The following RLF variants were observed in gnomAD, a reference collection of about 807,000 sequenced individuals.
The protein encoded by RLF is RLF zinc finger.
A neutral mutation model predicts 162.9 loss-of-function variants in RLF; 7 were observed. The ratio of observed to expected loss-of-function variants is 0.04; its 90% CI spans 0.02 to 0.08. RLF has a LOEUF of 0.08. RLF is among the 10% of genes least tolerant of loss of function. The pLI is 1.00. For synonymous variants in RLF, 782 were observed against 791.5 expected, an observed-to-expected ratio of 0.99 and a Z score of 0.20; for missense variants, 1,664 against 2,244.7, an observed-to-expected ratio of 0.74 and a Z score of 5.23.
At chr1:40,232,322 A>G (rs1295420528) in intron 7 of RLF, among the ~76,000 whole-genome samples, 1 of 152,214 alleles carries the variant, frequency 6.6e-6, no homozygotes, top group Admixed American at 6.5e-5. Flanking sequence ...AATCTTTAAT[A>G]AAGGTACTAA....
chr1:40,234,154 T>A (rs1643188101), intron 7 of RLF, among the ~76,000 whole-genome samples: 1 of 152,194 alleles, frequency 6.6e-6, no homozygotes, highest in Non-Finnish European at 1.5e-5. Context: ...TTTGCCATGT[T>A]GGCCCTGCTG....
chr1:40,180,082 C>G (rs1012925340), intron 1 of RLF, among the ~76,000 whole-genome samples: 1 of 152,142 alleles, frequency 6.6e-6, no homozygotes, highest in Non-Finnish European at 1.5e-5. Context: ...TCTGCTGTCA[C>G]TTCTTTGGGA....
intron 5 of RLF, among the ~76,000 whole-genome samples, chr1:40,207,891 G>A (rs768006328): frequency 3.3e-5 from 5 of 152,190 alleles, no homozygotes; most frequent in Non-Finnish European, 7.3e-5. Context: ...GATTATAGGC[G>A]TAAGCCACCA....
At chr1:40,190,209 T>TCAAA (rs945033868) in intron 2 of RLF, among the ~76,000 whole-genome samples, 1 of 152,226 alleles carries the variant, frequency 6.6e-6, no homozygotes, top group African/African-American at 2.4e-5. Context: ...ATTATTCAAG[T>TCAAA]TGTAGTGCAT....
Position 40,162,423 on chromosome 1 carries a change from A to G in RLF, c.237+787A>G, listed in dbSNP as rs374227485. On this transcript the variant is annotated intron_variant, in intron 1 of 7. Transcript: ENST00000372771. ...CATGACCACTCCGAGATTTTTCTGT[A>G]TGTTTTCAAGTCTTTTACAAATACA... Among the ~76,000 whole-genome samples the G allele has an allele frequency of 8.5e-5, 13 of 152,144 alleles. 1 individual carries two copies. Among genetic ancestry groups the G allele is most frequent in the East Asian group, 3.9e-4 (2 of 5,176 alleles).
intron 4 of RLF, among the ~76,000 whole-genome samples, chr1:40,199,563 C>T (rs1642682419): frequency 1.3e-5 from 2 of 152,162 alleles, no homozygotes; most frequent in East Asian, 3.8e-4. Flanking sequence ...ATCAGTGATT[C>T]TAAAACCTGA....
At chr1:40,219,027 C>T (rs1642960215) in intron 5 of RLF, among the ~76,000 whole-genome samples, 1 of 152,130 alleles carries the variant, frequency 6.6e-6, no homozygotes, top group Non-Finnish European at 1.5e-5. Context: ...CATTAAAACT[C>T]TCAAAAGTTT....
At chr1:40,232,425 TGTGG>T (rs2124560112) in intron 7 of RLF, among the ~76,000 whole-genome samples, 1 of 152,280 alleles carries the variant, frequency 6.6e-6, no homozygotes, top group East Asian at 1.9e-4. Flanking sequence ...TCCAGCACAA[TGTGG>T]CAGGATTCTC....
chr1:40,237,666 A>G lies in RLF; in HGVS notation c.2964A>G (p.Ile988Met). 6.2e-7 allele frequency: 1 copy of G among 1,614,176 alleles called. No homozygotes were observed. Among genetic ancestry groups the G allele is most frequent in the Non-Finnish European group, 8.5e-7 (1 of 1,180,012 alleles). ...CATACCATTTCAAGCCCAAAAAGATAAAGACGAAAGATCTGTTTCCCTCTT... is the reference window on the plus strand; with the variant it reads ...CATACCATTTCAAGCCCAAAAAGATGAAGACGAAAGATCTGTTTCCCTCTT... Reference protein sequence around the residue: ...VHPYHFKPKKIKTKDLFPSLG... With the variant: ...VHPYHFKPKKMKTKDLFPSLG... The change falls in exon 8 of 8, where the codon ATA (isoleucine) becomes ATG (methionine). Residue 988 changes from isoleucine (I) to methionine (M), a missense_variant. Physicochemically the swap from Ile to Met is conservative, Grantham distance 10. Coordinates refer to ENST00000372771, the MANE Select transcript of RLF (RefSeq NM_012421.4). The surrounding 1 kb of genome is among the most constrained non-coding windows in gnomAD (Gnocchi z 4.4).
intron 1 of RLF, among the ~76,000 whole-genome samples, chr1:40,183,856 TA>T (rs1642438411): frequency 6.6e-6 from 1 of 152,202 alleles, no homozygotes; most frequent in Non-Finnish European, 1.5e-5. Context: ...TTAGTGGCCG[TA>T]AAGCTCTTAG....
At position 40,236,252 on chromosome 1, in the gene RLF, G is replaced by C. The variant is rs927678537; in HGVS notation, c.1550G>C (p.Gly517Ala). 6.2e-7 allele frequency: 1 copy of C among 1,613,620 alleles called. No homozygotes were observed. Among genetic ancestry groups the C allele is most frequent in the Non-Finnish European group, 8.5e-7 (1 of 1,179,868 alleles). Residue 517 changes from glycine to alanine, a missense_variant, in exon 8 of 8, where the codon GGT (glycine) becomes GCT (alanine). This residue lies in a region of RLF where 54 missense variants were observed against 71.7 expected (regional missense o/e 0.75). Coordinates refer to ENST00000372771, the MANE Select transcript of RLF (RefSeq NM_012421.4). The surrounding 1 kb of genome is among the most constrained non-coding windows in gnomAD (Gnocchi z 7.7). ...LESFLSDYDE[G>A]KEDKQYRRRD... The stretch of plus-strand genomic sequence containing the variant: ...TCATTTCTCAGTGACTATGATGAGG[G>C]TAAAGAAGATAAACAATATAGAAGA...
intron 4 of RLF, among the ~76,000 whole-genome samples, chr1:40,196,644 C>A (rs1642641742): frequency 6.6e-6 from 1 of 152,156 alleles, no homozygotes; most frequent in South Asian, 2.1e-4. Context: ...GGACTACAGG[C>A]ATGCGCCACT....
rs754455174 is a variant in RLF, at chr1:40,238,713, C to T, written c.4011C>T (p.Tyr1337=). Residue 1337 remains tyrosine (Y), a synonymous_variant, in exon 8 of 8, where the codon TAC becomes TAT. Coordinates refer to ENST00000372771, the MANE Select transcript of RLF (RefSeq NM_012421.4). The surrounding 1 kb of genome is among the most constrained non-coding windows in gnomAD (Gnocchi z 5.2). ...GCCATTACAGAACTGTACATCAGTACAACAAAGAACAGTTATGTTTGGAGA... is the reference window on the plus strand; with the variant it reads ...GCCATTACAGAACTGTACATCAGTATAACAAAGAACAGTTATGTTTGGAGA... The part of the protein sequence containing the change: ...LIRHYRTVHQ[Y]NKEQLCLEKD... The T allele has an allele frequency of 6.2e-7, 1 of 1,613,824 alleles. No individual in the cohort carries two copies.
chr1:40,238,538 G>T lies in RLF; in HGVS notation c.3836G>T (p.Arg1279Ile), dbSNP rs753910711. ...SDISSPIGSH[R>I]EEQEGREGRG... ...ATTTCATCACCAATAGGCAGCCATA[G>T]AGAAGAACAAGAAGGAAGAGAGGGC... The change falls in exon 8 of 8, where the codon AGA (arginine) becomes ATA (isoleucine). Residue 1279 changes from arginine (R) to isoleucine (I), a missense_variant. Physicochemically the swap from Arg to Ile is moderately conservative, Grantham distance 97. Around this residue, in one of 15 missense-constraint regions of RLF, gnomAD observed 102 missense variants for 109.5 expected, o/e 0.93. Transcript: ENST00000372771. This position sits in a 1 kb window ranked among gnomAD's most constrained non-coding sequence, Gnocchi z 5.2. The T allele has an allele frequency of 6.2e-7, 1 of 1,613,854 alleles. No individual in the cohort carries two copies. Among genetic ancestry groups the T allele is most frequent in the Non-Finnish European group, 8.5e-7 (1 of 1,179,994 alleles).
intron 7 of RLF, among the ~76,000 whole-genome samples, chr1:40,234,329 T>G (rs1643190757): frequency 6.6e-6 from 1 of 152,172 alleles, no homozygotes; most frequent in Non-Finnish European, 1.5e-5. Flanking sequence ...TTGGGGGTTT[T>G]TTGTCTATAA....
At chr1:40,168,744 G>A (rs1432664625) in intron 1 of RLF, among the ~76,000 whole-genome samples, 4 of 151,902 alleles carry the variant, frequency 2.6e-5, no homozygotes, top group African/African-American at 9.7e-5. Context: ...TGTAATACCA[G>A]CACTTTGGAG....
chr1:40,220,080 A>T (rs1032413324), intron 5 of RLF, among the ~76,000 whole-genome samples: 1 of 152,014 alleles, frequency 6.6e-6, no homozygotes, highest in African/African-American at 2.4e-5. Context: ...CTAAAAATAT[A>T]AAAAAATTAG....
rs759711430 is a variant in RLF, at chr1:40,239,073, T to A, written c.4371T>A (p.His1457Gln). Residue 1457 changes from histidine (H) to glutamine (Q), a missense_variant, in exon 8 of 8, where the codon CAT becomes CAA. Physicochemically the swap from His to Gln is conservative, Grantham distance 24. Around this residue, in one of 15 missense-constraint regions of RLF, gnomAD observed 200 missense variants for 207.3 expected, o/e 0.96. Coordinates refer to ENST00000372771, the MANE Select transcript of RLF (RefSeq NM_012421.4). ...ATGGCTGTGGCCAGATTTTCACCCA[T>A]CGCAGTAATTACTCACAACATGTAT... ...DLNGCGQIFT[H>Q]RSNYSQHVYY... is the part of the protein sequence containing the mutation. 1.9e-6 allele frequency: 3 copies of A among 1,614,176 alleles called. No individual in the cohort carries two copies. Among genetic ancestry groups the A allele is most frequent in the Non-Finnish European group, 1.7e-6 (2 of 1,180,036 alleles).
At chr1:40,213,332 G>A (rs1388244313) in intron 5 of RLF, among the ~76,000 whole-genome samples, 1 of 152,166 alleles carries the variant, frequency 6.6e-6, no homozygotes, top group African/African-American at 2.4e-5. Context: ...ATTATGAAGA[G>A]TCGATCAGAC....
Sources: allele counts gnomAD v4.1 joint callset (sites outside exome capture counted in the v4.1 genomes callset), GRCh38; gene constraint gnomAD v4.1.1; regional missense constraint gnomAD v4.1.1; non-coding constraint Gnocchi (gnomAD v3.1); transcripts MANE v1.5; gene names NCBI Gene and HGNC (gene_info 2026-07-23, HGNC 2026-07-21).